MYH10: variants seen among roughly 807,000 people sequenced by gnomAD.
MYH10 encodes the protein myosin heavy chain 10.
Under a neutral mutation model 257.8 loss-of-function variants are expected in MYH10, and 55 were observed. The observed-to-expected ratio is 0.21, with a 90% CI of 0.17 to 0.27. The LOEUF is 0.27. Ranked by LOEUF, MYH10 falls within the 10% of genes least tolerant of loss-of-function variation. MYH10 has a pLI of 1.00. For synonymous variants in MYH10, 854 were observed against 921.7 expected, an observed-to-expected ratio of 0.93 and a Z score of 1.33; for missense variants, 1,631 against 2,500.6, an observed-to-expected ratio of 0.65 and a Z score of 7.42.
At chr17:8,476,538 C>T (rs1226256334) in intron 42 of MYH10, among the ~76,000 whole-genome samples, 1 of 152,162 alleles carries the variant, frequency 6.6e-6, no homozygotes, top group Admixed American at 6.5e-5. Flanking sequence ...GCTGATGGCA[C>T]CAGGTCCCAG....
intron 17 of MYH10, among the ~76,000 whole-genome samples, chr17:8,529,167 C>T (rs1431849613): frequency 6.6e-6 from 1 of 152,178 alleles, no homozygotes; most frequent in East Asian, 1.9e-4. Flanking sequence ...TTTAGGTGGT[C>T]ACAGTGGGAA....
chr17:8,526,290 G>C (rs1265923601), intron 17 of MYH10, among the ~76,000 whole-genome samples: 1 of 152,150 alleles, frequency 6.6e-6, no homozygotes. Context: ...CCAGAGAAAG[G>C]CAGAAAATGC....
chr17:8,508,844 A>G (rs1368075109), intron 25 of MYH10, among the ~76,000 whole-genome samples, 167 bp from the exon 26 acceptor site: 1 of 152,224 alleles, frequency 6.6e-6, no homozygotes, highest in East Asian at 1.9e-4. Context: ...TGTTTTGGAC[A>G]ATGATGAACC....
chr17:8,498,764 T>A (rs979751303), intron 30 of MYH10, among the ~76,000 whole-genome samples: 1 of 151,576 alleles, frequency 6.6e-6, no homozygotes. Context: ...AGGAGAATAG[T>A]GTGAACCCGG....
At chr17:8,546,398 T>TAAA in intron 12 of MYH10, 146 bp downstream of exon 12, 3 of 512,974 alleles carry the variant, frequency 5.8e-6, no homozygotes, top group Non-Finnish European at 6.5e-6. Context: ...TAAATATACT[T>TAAA]AAAAAAAAAA....
Position 8,508,799 on chromosome 17 carries a change from C to G in MYH10, c.3091-122G>C, listed in dbSNP as rs574159206. 8 of 1,145,468 alleles carry G rather than the reference C, an allele frequency of 7.0e-6. No individual in the cohort carries two copies. In the East Asian group the frequency reaches 2.0e-4, roughly 28 times the overall value. 71.0% of individuals were successfully genotyped at this position (1,145,468 alleles called of 1,614,324 possible). ...TAAGTTCTATCGGCACTGCCTCCCCCAGCAGACTGTACACAATCACATGCT... is the reference window on the plus strand; with the variant it reads ...TAAGTTCTATCGGCACTGCCTCCCCGAGCAGACTGTACACAATCACATGCT... On this transcript the variant is annotated intron_variant, in intron 25 of 42. Coordinates refer to ENST00000360416, the MANE Select transcript of MYH10 (RefSeq NM_001256012.3).
intron 3 of MYH10, among the ~76,000 whole-genome samples, chr17:8,603,753 C>T (rs7213091): frequency 0.029 from 4,419 of 151,956 alleles, 231 homozygotes; most frequent in African/African-American, 0.1. Context: ...CTTAGTATTC[C>T]CTAAGAATAC....
rs369193794 is a variant in MYH10 at position 8,506,298 on chromosome 17, G to A, written c.3386+20C>T. ...TCAGCCCCATGGGCTCCCGTGCAGC[G>A]CAGCTGCTGGGCTGCAGACCTGGCC... On this transcript the variant is annotated intron_variant, in intron 27 of 42. Transcript: ENST00000360416. This position sits in a 1 kb window ranked among gnomAD's most constrained non-coding sequence, Gnocchi z 5.0. 28 of 1,562,168 alleles carry A rather than the reference G, an allele frequency of 1.8e-5. No homozygotes were observed. Among genetic ancestry groups the A allele is most frequent in the East Asian group, 6.9e-5 (3 of 43,450 alleles).
In MYH10 at chr17:8,487,561, T is replaced by G. The variant is rs1597617136; in HGVS notation, c.4918A>C (p.Arg1640=). 1.9e-6 allele frequency: 3 copies of G among 1,614,194 alleles called. No homozygotes were observed. The highest frequency in any genetic ancestry group is 2.5e-6 in the Non-Finnish European group (3 of 1,180,044). Residue 1640 remains arginine, a synonymous_variant, in exon 36 of 43, where the codon AGG becomes CGG. Transcript: ENST00000360416. ...RELEAELEDE[R]KQRALAVASK... is the part of the protein sequence containing the mutation. ...GCTACAGCAAGCGCCCGCTGTTTCC[T>G]CTCATCCTCCAGCTCCGCCTCGAGC...
At chr17:8,612,888 T>C (rs931890636) in intron 2 of MYH10, among the ~76,000 whole-genome samples, 4 of 151,980 alleles carry the variant, frequency 2.6e-5, no homozygotes, top group Non-Finnish European at 1.5e-5. Flanking sequence ...GGTATGTATG[T>C]ATAGGAAAAA....
At chr17:8,562,565 T>A (rs1444361196) in intron 7 of MYH10, among the ~76,000 whole-genome samples, 1 of 152,194 alleles carries the variant, frequency 6.6e-6, no homozygotes, top group African/African-American at 2.4e-5. Flanking sequence ...TTGATTTGCA[T>A]AAAGGTCAGA....
At position 8,565,261 on chromosome 17, in the gene MYH10, A is replaced by T. The variant is rs907322133; in HGVS notation, c.756+4459T>A. Among the ~76,000 whole-genome samples the T allele has an allele frequency of 7.2e-5, 11 of 152,354 alleles. No homozygotes were observed. The East Asian group carries it at 2.1e-3, about 29-fold the overall frequency. ...TGCTTAATAATTAAAAGAACTAAATAACAAATCAAACATCAAAATTACACA... is the reference window on the plus strand; with the variant it reads ...TGCTTAATAATTAAAAGAACTAAATTACAAATCAAACATCAAAATTACACA... On this transcript the variant is annotated intron_variant, in intron 7 of 42. Coordinates refer to ENST00000360416, the MANE Select transcript of MYH10 (RefSeq NM_001256012.3).
intron 1 of MYH10, among the ~76,000 whole-genome samples, chr17:8,629,544 G>A (rs571698889): frequency 6.2e-4 from 95 of 152,222 alleles, no homozygotes; most frequent in African/African-American, 2.2e-3. Flanking sequence ...CCGCTTCCCA[G>A]GGCCGCATCC....
intron 4 of MYH10, among the ~76,000 whole-genome samples, chr17:8,586,036 G>C (rs1209612662): frequency 6.6e-6 from 1 of 152,116 alleles, no homozygotes; most frequent in African/African-American, 2.4e-5. Flanking sequence ...CTAAACTTTA[G>C]CAGGACCCCC....
intron 42 of MYH10, among the ~76,000 whole-genome samples, chr17:8,476,325 A>G (rs1443694964): frequency 2.0e-5 from 3 of 152,244 alleles, no homozygotes; most frequent in Non-Finnish European, 2.9e-5. Flanking sequence ...TTTTATAACC[A>G]TTTAAAAATG....
chr17:8,492,582 T>C lies in MYH10; in HGVS notation c.4459-73A>G. The C allele has an allele frequency of 2.1e-6, 3 of 1,439,562 alleles. No homozygotes were observed. In the East Asian group the frequency reaches 7.2e-5, roughly 34 times the overall value. 89.2% of individuals were successfully genotyped at this position (1,439,562 alleles called of 1,614,324 possible). Reference sequence around the variant, plus strand: ...CAACTTTTCTCTTCCACCATGTGGCTGATTTATCGCTAGAGTGCTGCCACT... The same window carrying C: ...CAACTTTTCTCTTCCACCATGTGGCCGATTTATCGCTAGAGTGCTGCCACT... On this transcript the variant is annotated intron_variant, in intron 33 of 42. Coordinates refer to ENST00000360416, the MANE Select transcript of MYH10 (RefSeq NM_001256012.3).
chr17:8,481,245 G>T lies in MYH10; in HGVS notation c.5264+77C>A, dbSNP rs564908098. ...AGCAAACCACCCGCTGATGCCAGGT[G>T]TGTGGACACCTCCAGCCTTCTCAGC... On this transcript the variant is annotated intron_variant, in intron 38 of 42. Transcript: ENST00000360416. The T allele has an allele frequency of 1.6e-4, 221 of 1,415,206 alleles. 1 individual carries two copies. In the African/African-American group the frequency reaches 2.8e-3, roughly 18 times the overall value. The allele number at this position is 1,415,206 out of a possible 1,614,324, so 87.7% of individuals were successfully genotyped here. A position where few individuals can be genotyped will look rare whatever the true frequency, so the allele number is the denominator to read the frequency against.
At chr17:8,573,883 A>T in intron 6 of MYH10, 2 of 909,916 alleles carry the variant, frequency 2.2e-6, no homozygotes, top group Non-Finnish European at 2.6e-6. Flanking sequence ...GGATGGCTTT[A>T]ATAAAAACAC....
At chr17:8,577,381 G>T in intron 4 of MYH10, 43 bp from the exon 5 acceptor site, 1 of 1,224,752 alleles carries the variant, frequency 8.2e-7, no homozygotes, top group Non-Finnish European at 1.2e-6. Context: ...CGAAAGCACA[G>T]CACATGCATT....
Sources: allele counts gnomAD v4.1 joint callset (sites outside exome capture counted in the v4.1 genomes callset), GRCh38; gene constraint gnomAD v4.1.1; non-coding constraint Gnocchi (gnomAD v3.1); transcripts MANE v1.5; gene names NCBI Gene and HGNC (gene_info 2026-07-23, HGNC 2026-07-21).